The following KPNA5 variants were observed in gnomAD, a reference collection of about 807,000 sequenced individuals.
KPNA5 encodes importin subunit alpha-6.
In KPNA5, 46 loss-of-function variants were observed where a neutral mutation model predicts 71.3. The ratio of observed to expected loss-of-function variants is 0.65; its 90% CI spans 0.51 to 0.83. The LOEUF is 0.83. KPNA5 is among the 40% of genes least tolerant of loss of function. KPNA5 has a pLI of 0.00. For missense variants in KPNA5, 547 were observed against 628.3 expected, an observed-to-expected ratio of 0.87 and a Z score of 1.38; for synonymous variants, 207 against 201.4, an observed-to-expected ratio of 1.03 and a Z score of -0.24.
At chr6:116,698,844 G>A (rs1402056004) in intron 5 of KPNA5, 46 bp downstream of exon 5, 1 of 1,154,176 alleles carries the variant, frequency 8.7e-7, no homozygotes, top group African/African-American at 1.6e-5. Context: ...GAAATGACAT[G>A]TTAAAGTTTC....
chr6:116,699,338 G>A (rs1212195703), intron 5 of KPNA5, among the ~76,000 whole-genome samples: 1 of 152,024 alleles, frequency 6.6e-6, no homozygotes, highest in East Asian at 1.9e-4. Flanking sequence ...ATTTACTGAA[G>A]TTTGTGAATA....
At position 116,732,239 on chromosome 6, in the gene KPNA5, C is replaced by A; in HGVS notation, c.1536C>A (p.Pro512=). Residue 512 remains proline, a synonymous_variant, in exon 14 of 14, where the codon CCC becomes CCA. Coordinates refer to ENST00000368564, the MANE Select transcript of KPNA5 (RefSeq NM_001366306.2). The stretch of plus-strand genomic sequence containing the variant: ...ACTTTGGTGTAGAAGAAGATGACCC[C>A]AGCATTGTACCTCAGGTGGATGAAA... The part of the protein sequence containing the change: ...EHYFGVEEDD[P]SIVPQVDENQ... 1.3e-6 allele frequency: 2 copies of A among 1,593,260 alleles called. No individual in the cohort carries two copies. Among genetic ancestry groups the A allele is most frequent in the Admixed American group, 1.7e-5 (1 of 57,664 alleles).
intron 1 of KPNA5, among the ~76,000 whole-genome samples, chr6:116,684,046 G>A (rs1777473717): frequency 6.6e-6 from 1 of 151,436 alleles, no homozygotes; most frequent in African/African-American, 2.4e-5. Context: ...CAGAGTAGCT[G>A]GGATTACAGG....
At position 116,689,430 on chromosome 6, in the gene KPNA5, A is replaced by G. The variant is rs1241907883; in HGVS notation, c.115A>G (p.Arg39Gly). The G allele has an allele frequency of 6.3e-7, 1 of 1,590,210 alleles. No individual in the cohort carries two copies. Among genetic ancestry groups the G allele is most frequent in the South Asian group, 1.2e-5 (1 of 85,782 alleles). Residue 39 changes from arginine (R) to glycine (G), a missense_variant, in exon 2 of 14, where the codon AGA becomes GGA. By Grantham distance (125) the Arg-to-Gly change is moderately radical. Transcript: ENST00000368564. ...RRREEEGIQL[R>G]KQKREEQLFK... is the part of the protein sequence containing the mutation. ...AAGAGAAGAAGAAGGAATACAGCTT[A>G]GAAAACAAAAAAGAGAAGAACAGGT...
rs185531964 is a variant in KPNA5 at position 116,726,518 on chromosome 6, T to C, written c.1149T>C (p.Phe383=). Residue 383 remains phenylalanine, a synonymous_variant, in exon 12 of 14, where the codon TTT becomes TTC. Transcript: ENST00000368564. The part of the protein sequence containing the change: ...QIQAVIDANI[F]PVLIEILQKA... ...AGGCTGTTATAGATGCAAATATTTTTCCTGTTTTGATTGAGATTCTTCAGA... is the reference window on the plus strand; with the variant it reads ...AGGCTGTTATAGATGCAAATATTTTCCCTGTTTTGATTGAGATTCTTCAGA... The C allele has an allele frequency of 1.2e-5, 20 of 1,611,986 alleles. No individual in the cohort carries two copies. The Admixed American group carries it at 3.0e-4, about 24-fold the overall frequency.
chr6:116,722,303 A>G lies in KPNA5; in HGVS notation c.920+14A>G, dbSNP rs370665906. 1.3e-6 allele frequency: 2 copies of G among 1,583,888 alleles called. No homozygotes were observed. The highest frequency in any genetic ancestry group is 1.7e-6 in the Non-Finnish European group (2 of 1,159,950). ...GGAACTTTTGATGTAACTATAAATA[A>G]TTTATGCTTAATAATTGTATGATTG... On this transcript the variant is annotated intron_variant, in intron 9 of 13. Coordinates refer to ENST00000368564, the MANE Select transcript of KPNA5 (RefSeq NM_001366306.2).
At chr6:116,699,563 A>C (rs1393518456) in intron 5 of KPNA5, among the ~76,000 whole-genome samples, 1 of 152,182 alleles carries the variant, frequency 6.6e-6, no homozygotes, top group Non-Finnish European at 1.5e-5. Context: ...TAATTTGAGA[A>C]AGATCCTCAC....
At chr6:116,686,012 C>T (rs1777571179) in intron 1 of KPNA5, among the ~76,000 whole-genome samples, 1 of 152,042 alleles carries the variant, frequency 6.6e-6, no homozygotes, top group South Asian at 2.1e-4. Flanking sequence ...TTAAGTGATT[C>T]TTCCACCTCA....
rs1210653144 is a variant in KPNA5, at chr6:116,737,261, T to A, written c.*4938T>A. ...CTATGAATTACAAGGGATTTTCACT[T>A]TGGCTAGTGGAACTTAAACTGTTCC... On this transcript the variant is annotated 3_prime_UTR_variant, in exon 14 of 14. Transcript: ENST00000368564. The A allele has an allele frequency of 2.6e-5, 4 of 151,962 alleles. No homozygotes were observed. Among genetic ancestry groups the A allele is most frequent in the Non-Finnish European group, 5.9e-5 (4 of 67,918 alleles). 9.4% of individuals were successfully genotyped at this position (151,962 alleles called of 1,614,324 possible). A position where few individuals can be genotyped will look rare whatever the true frequency, so the allele number is the denominator to read the frequency against.
intron 7 of KPNA5, among the ~76,000 whole-genome samples, chr6:116,715,275 A>G (rs1172249518): frequency 6.6e-6 from 1 of 152,100 alleles, no homozygotes; most frequent in Non-Finnish European, 1.5e-5. Flanking sequence ...ATTTTGATGT[A>G]TGTGCTTTTT....
chr6:116,689,817 C>T (rs911906948), intron 2 of KPNA5, among the ~76,000 whole-genome samples: 20 of 152,100 alleles, frequency 1.3e-4, no homozygotes, highest in African/African-American at 4.1e-4. Context: ...AATTCTTGCC[C>T]GTAAGTAAAT....
intron 7 of KPNA5, among the ~76,000 whole-genome samples, chr6:116,707,030 G>A (rs1012875243): frequency 7.2e-5 from 11 of 151,950 alleles, no homozygotes; most frequent in Middle Eastern, 3.2e-3. Flanking sequence ...CAGGCGTGGT[G>A]GCAGGCGCCT....
Position 116,726,568 on chromosome 6 carries a change from A to C in KPNA5, c.1199A>C (p.Glu400Ala), listed in dbSNP as rs1187296329. ...AAAGCAGAGTTTCGTACCAGAAAAG[A>C]AGCAGCTTGGGCTATAACTAATGCA... is the stretch of plus-strand genomic sequence containing the variant. ...LQKAEFRTRK[E>A]AAWAITNATS... The change falls in exon 12 of 14, where the codon GAA becomes GCA. Residue 400 changes from glutamate (E) to alanine (A), a missense_variant. Glu to Ala is a moderately radical substitution (Grantham distance 107). Coordinates refer to ENST00000368564, the MANE Select transcript of KPNA5 (RefSeq NM_001366306.2). 7.4e-6 allele frequency: 12 copies of C among 1,612,584 alleles called. No individual in the cohort carries two copies. Among genetic ancestry groups the C allele is most frequent in the South Asian group, 1.1e-5 (1 of 90,916 alleles).
At chr6:116,684,098 A>T (rs1777475772) in intron 1 of KPNA5, among the ~76,000 whole-genome samples, 1 of 151,226 alleles carries the variant, frequency 6.6e-6, no homozygotes, top group African/African-American at 2.4e-5. Flanking sequence ...TTTTCAGTAG[A>T]GACAGGGTTT....
At chr6:116,704,785 C>T (rs1189764208) in intron 6 of KPNA5, among the ~76,000 whole-genome samples, 1 of 152,096 alleles carries the variant, frequency 6.6e-6, no homozygotes, top group Admixed American at 6.5e-5. Flanking sequence ...CCATGTTGCC[C>T]AGGCTGGTTT....
chr6:116,702,833 C>A (rs565257420), intron 6 of KPNA5, among the ~76,000 whole-genome samples: 1 of 152,192 alleles, frequency 6.6e-6, no homozygotes, highest in East Asian at 1.9e-4. Context: ...TTGAATAGAA[C>A]CATTTTTTAA....
chr6:116,718,776 T>A (rs1391839203), intron 8 of KPNA5, among the ~76,000 whole-genome samples: 3 of 151,628 alleles, frequency 2.0e-5, no homozygotes, highest in East Asian at 1.9e-4. Flanking sequence ...TTTTTTTTTC[T>A]TCTTTTTTTG....
intron 7 of KPNA5, among the ~76,000 whole-genome samples, chr6:116,708,423 C>G (rs1323942862): frequency 2.6e-5 from 4 of 152,110 alleles, no homozygotes; most frequent in Non-Finnish European, 4.4e-5. Flanking sequence ...ATCTGTTATT[C>G]TGATTTAGAT....
At chr6:116,690,318 A>C (rs1777748286) in intron 2 of KPNA5, among the ~76,000 whole-genome samples, 1 of 152,200 alleles carries the variant, frequency 6.6e-6, no homozygotes. Flanking sequence ...GTACTAAAAA[A>C]ATTGTGTTGA....
Sources: allele counts gnomAD v4.1 joint callset (sites outside exome capture counted in the v4.1 genomes callset), GRCh38; gene constraint gnomAD v4.1.1; transcripts MANE v1.5; gene names NCBI Gene and HGNC (gene_info 2026-07-23, HGNC 2026-07-21).